Variants in CACNA2D3 observed in about 807,000 individuals in gnomAD.
CACNA2D3 encodes calcium voltage-gated channel auxiliary subunit alpha2delta 3, also known as voltage-dependent calcium channel subunit alpha-2/delta-3.
A neutral mutation model predicts 160.6 loss-of-function variants in CACNA2D3; 60 were observed. That is an observed-to-expected ratio of 0.37 (90% CI 0.30 to 0.46). The LOEUF is 0.46. Among genes scored for constraint, CACNA2D3 ranks in the 20% least tolerant of loss-of-function variants. The pLI, the probability that CACNA2D3 is intolerant of heterozygous loss-of-function variation, is 1.00. For synonymous variants in CACNA2D3, 558 were observed against 492.9 expected (o/e 1.13, Z -1.75); for missense variants, 1,205 against 1,365.0 (o/e 0.88, Z 1.85).
chr3:54,834,775 G>T (rs1387622247), intron 14 of CACNA2D3, among the ~76,000 whole-genome samples: 1 of 152,174 alleles, frequency 6.6e-6, no homozygotes, highest in African/African-American at 2.4e-5. Context: ...AAGGAATTGG[G>T]TTACACAATT....
intron 4 of CACNA2D3, among the ~76,000 whole-genome samples, chr3:54,425,804 G>A (rs944810473): frequency 6.6e-6 from 1 of 152,206 alleles, no homozygotes; most frequent in South Asian, 2.1e-4. Flanking sequence ...TCCCTGCCCC[G>A]GAGCATCCCA....
At chr3:54,741,032 T>C (rs1701638180) in intron 11 of CACNA2D3, among the ~76,000 whole-genome samples, 1 of 152,088 alleles carries the variant, frequency 6.6e-6, no homozygotes, top group Non-Finnish European at 1.5e-5. Flanking sequence ...TCACAAGGAC[T>C]CCAGCTGTGC....
At chr3:54,132,961 A>G (rs920029759) in intron 2 of CACNA2D3, among the ~76,000 whole-genome samples, 1 of 152,294 alleles carries the variant, frequency 6.6e-6, no homozygotes, top group African/African-American at 2.4e-5. Flanking sequence ...TAAGTGACTC[A>G]TGGGAAGTGT....
intron 4 of CACNA2D3, among the ~76,000 whole-genome samples, chr3:54,412,486 T>A (rs1243782849): frequency 6.6e-6 from 1 of 151,960 alleles, no homozygotes. Flanking sequence ...TTAGATTTTA[T>A]CTTTTATCAT....
chr3:54,769,651 A>G (rs1327230190), intron 13 of CACNA2D3, among the ~76,000 whole-genome samples: 1 of 152,160 alleles, frequency 6.6e-6, no homozygotes, highest in African/African-American at 2.4e-5. Flanking sequence ...AATAAATACT[A>G]TTTATTGTCA....
rs115487985 is a variant in CACNA2D3 at position 54,552,057 on chromosome 3, A to G, written c.545-10743A>G. Among the ~76,000 whole-genome samples the G allele has an allele frequency of 2.7e-3, 408 of 152,308 alleles. 4 individuals are homozygous for G. The highest frequency in any genetic ancestry group is 9.3e-3 in the African/African-American group (385 of 41,576). ...CTTGGAATGTGCCTAAGTTCACTCT[A>G]CAGTATTTTAGCCATGATTTTATGC... is the stretch of plus-strand genomic sequence containing the variant. On this transcript the variant is annotated intron_variant, in intron 5 of 37. Transcript: ENST00000474759.
chr3:54,670,193 C>T (rs866836565), intron 11 of CACNA2D3, among the ~76,000 whole-genome samples: 1 of 152,124 alleles, frequency 6.6e-6, no homozygotes, highest in Non-Finnish European at 1.5e-5. Context: ...TTTGGACATA[C>T]ATTTTCCTAT....
intron 2 of CACNA2D3, among the ~76,000 whole-genome samples, chr3:54,218,576 T>C (rs1279823048): frequency 6.6e-6 from 1 of 152,236 alleles, no homozygotes. Flanking sequence ...AACACATTTG[T>C]ATGACTTGGG....
At chr3:55,034,564 C>T (rs1294841696) in intron 35 of CACNA2D3, among the ~76,000 whole-genome samples, 1 of 151,920 alleles carries the variant, frequency 6.6e-6, no homozygotes, top group Non-Finnish European at 1.5e-5. Flanking sequence ...AGAGAATTAT[C>T]TGTAGTCTCA....
intron 4 of CACNA2D3, among the ~76,000 whole-genome samples, chr3:54,388,125 A>T (rs542291233): frequency 1.2e-4 from 18 of 152,338 alleles, no homozygotes; most frequent in African/African-American, 4.3e-4. Flanking sequence ...GTTCAGATAG[A>T]CCAAAAGGCA....
intron 11 of CACNA2D3, among the ~76,000 whole-genome samples, chr3:54,718,110 A>G (rs1338254627): frequency 6.6e-6 from 1 of 152,186 alleles, no homozygotes; most frequent in Non-Finnish European, 1.5e-5. Flanking sequence ...AATGATTTAT[A>G]GTCATTCTTT....
At chr3:54,466,538 C>T (rs9860750) in intron 4 of CACNA2D3, among the ~76,000 whole-genome samples, 92 of 152,144 alleles carry the variant, frequency 6.0e-4, no homozygotes, top group East Asian at 1.5e-3. Context: ...CAATGGCTGG[C>T]GCTGCTCAGT....
chr3:54,925,217 T>C (rs200601938), intron 27 of CACNA2D3: 5 of 1,604,654 alleles, frequency 3.1e-6, no homozygotes, highest in Non-Finnish European at 4.3e-6. Context: ...GCAGTTCACC[T>C]ACAACAAACA....
intron 5 of CACNA2D3, among the ~76,000 whole-genome samples, chr3:54,555,334 A>G (rs745568436): frequency 1.3e-5 from 2 of 152,190 alleles, no homozygotes; most frequent in Non-Finnish European, 2.9e-5. Flanking sequence ...AGGATGGAAC[A>G]TGTAACTAAA....
At chr3:54,517,178 A>C in intron 5 of CACNA2D3, among the ~76,000 whole-genome samples, 1 of 152,342 alleles carries the variant, frequency 6.6e-6, no homozygotes, top group East Asian at 1.9e-4. Context: ...ATTTGGATCC[A>C]GGTCTGCCTG....
chr3:54,942,189 T>C (rs1350807551), intron 27 of CACNA2D3, among the ~76,000 whole-genome samples: 1 of 152,200 alleles, frequency 6.6e-6, no homozygotes, highest in African/African-American at 2.4e-5. Flanking sequence ...GATACAACCG[T>C]GTATCTCTGC....
chr3:54,789,005 A>C (rs545646660), intron 13 of CACNA2D3, among the ~76,000 whole-genome samples: 4 of 152,224 alleles, frequency 2.6e-5, no homozygotes. Flanking sequence ...TTGAGCGGCC[A>C]AAAATAATGA....
At chr3:54,822,405 C>T (rs575624747) in intron 14 of CACNA2D3, among the ~76,000 whole-genome samples, 1 of 152,286 alleles carries the variant, frequency 6.6e-6, no homozygotes, top group East Asian at 1.9e-4. Flanking sequence ...GGTTATATAA[C>T]TAAGTATTTT....
chr3:54,515,081 G>C (rs1296156644), intron 5 of CACNA2D3, among the ~76,000 whole-genome samples: 1 of 152,044 alleles, frequency 6.6e-6, no homozygotes, highest in Admixed American at 6.6e-5. Flanking sequence ...TGCTGAGCTG[G>C]AACTCCCTGT....
Sources: gnomAD v4.1 joint callset for allele counts (sites outside exome capture counted in the v4.1 genomes callset) on GRCh38, gnomAD v4.1.1 for gene constraint, MANE v1.5 for transcripts, NCBI Gene and HGNC (gene_info 2026-07-23, HGNC 2026-07-21) for gene names.